Variants in RTN1 observed in about 807,000 individuals in gnomAD.
The protein encoded by RTN1 is reticulon-1.
Under a neutral mutation model 65.5 loss-of-function variants are expected in RTN1, and 25 were observed. The observed-to-expected ratio is 0.38, with a 90% CI of 0.28 to 0.53. The LOEUF is 0.53. Among genes scored for constraint, RTN1 ranks in the 20% least tolerant of loss-of-function variants. The pLI is 0.79. For missense variants in RTN1, 983 were observed against 1,025.4 expected (o/e 0.96, Z 0.57); for synonymous variants, 471 against 447.6 (o/e 1.05, Z -0.66).
rs1398997061 is a variant in RTN1 at position 59,613,107 on chromosome 14, A to C, written c.1766-5615T>G. Among the ~76,000 whole-genome samples the C allele has an allele frequency of 2.0e-5, 3 of 152,178 alleles. No homozygotes were observed. The East Asian group carries it at 5.8e-4, about 29-fold the overall frequency. On this transcript the variant is annotated intron_variant, in intron 3 of 8. Transcript: ENST00000267484. ...ACCTTGCGGAAATTCTAAATCTTATAAAAAAAGAAACTGTTTACCATGCCT... is the reference window on the plus strand; with the variant it reads ...ACCTTGCGGAAATTCTAAATCTTATCAAAAAAGAAACTGTTTACCATGCCT...
chr14:59,770,252 C>T (rs1885927833), intron 1 of RTN1, among the ~76,000 whole-genome samples: 1 of 151,724 alleles, frequency 6.6e-6, no homozygotes, highest in African/African-American at 2.4e-5. Context: ...GTGCTGCACG[C>T]CTGTAATCCC....
chr14:59,748,342 C>A (rs1446669685), intron 1 of RTN1, among the ~76,000 whole-genome samples: 1 of 151,886 alleles, frequency 6.6e-6, no homozygotes, highest in Non-Finnish European at 1.5e-5. Flanking sequence ...AAGCACAAAG[C>A]CTCTTCCCTG....
At chr14:59,630,901 C>G in intron 3 of RTN1, 2 of 954,000 alleles carry the variant, frequency 2.1e-6, no homozygotes, top group Non-Finnish European at 2.5e-6. Context: ...AGGAGGAGGA[C>G]TTGGGCTGTT....
chr14:59,606,872 A>G (rs1881773625), intron 4 of RTN1, among the ~76,000 whole-genome samples: 1 of 151,564 alleles, frequency 6.6e-6, no homozygotes, highest in South Asian at 2.1e-4. Flanking sequence ...ATGGAAATAA[A>G]GACCCAAATA....
chr14:59,694,078 T>C (rs1594682270), intron 3 of RTN1, among the ~76,000 whole-genome samples: 1 of 152,210 alleles, frequency 6.6e-6, no homozygotes, highest in African/African-American at 2.4e-5. Context: ...GGTTCTGAAA[T>C]CTTACTTTAA....
intron 1 of RTN1, among the ~76,000 whole-genome samples, chr14:59,777,911 G>T (rs1345375239): frequency 1.3e-5 from 2 of 151,802 alleles, no homozygotes; most frequent in African/African-American, 4.8e-5. Context: ...TGCCAAGTCA[G>T]GGTGGCATGA....
intron 3 of RTN1, 62 bp from the exon 4 acceptor site, chr14:59,607,554 G>A (rs1881802033): frequency 7.1e-7 from 1 of 1,403,142 alleles, no homozygotes; most frequent in African/African-American, 1.4e-5. Flanking sequence ...GAGCCGCTGT[G>A]GCTCACTCCA....
At chr14:59,795,553 T>C (rs183978375) in intron 1 of RTN1, among the ~76,000 whole-genome samples, 103 of 152,170 alleles carry the variant, frequency 6.8e-4, no homozygotes, top group African/African-American at 2.1e-3. Context: ...AAAGTAAAAA[T>C]TAAAAATTAA....
At chr14:59,756,276 G>A (rs755525007) in intron 1 of RTN1, among the ~76,000 whole-genome samples, 5 of 152,252 alleles carry the variant, frequency 3.3e-5, no homozygotes, top group Non-Finnish European at 5.9e-5. Context: ...GGTCTTCTTT[G>A]AGAAACAATC....
At chr14:59,606,764 G>C (rs726041) in intron 4 of RTN1, among the ~76,000 whole-genome samples, 69,793 of 152,058 alleles carry the variant, frequency 0.46, 18,201 homozygotes, top group East Asian at 0.84. Flanking sequence ...GGTTTCCCCA[G>C]TATAAAAATG....
At chr14:59,669,654 C>A (rs1883459448) in intron 3 of RTN1, among the ~76,000 whole-genome samples, 1 of 151,986 alleles carries the variant, frequency 6.6e-6, no homozygotes, top group Admixed American at 6.6e-5. Flanking sequence ...ATCTTATGAT[C>A]ATGAGGAGAT....
intron 1 of RTN1, among the ~76,000 whole-genome samples, chr14:59,753,008 A>G (rs1885564151): frequency 6.6e-6 from 1 of 152,158 alleles, no homozygotes; most frequent in Non-Finnish European, 1.5e-5. Flanking sequence ...ACAACTGCAG[A>G]ATTCCCTTCC....
chr14:59,687,027 G>T (rs1883860380), intron 3 of RTN1, among the ~76,000 whole-genome samples: 1 of 152,184 alleles, frequency 6.6e-6, no homozygotes, highest in African/African-American at 2.4e-5. Flanking sequence ...TCAGCAGGAG[G>T]TGCTGGAATT....
At chr14:59,843,528 GT>G in intron 1 of RTN1, among the ~76,000 whole-genome samples, 1 of 152,188 alleles carries the variant, frequency 6.6e-6, no homozygotes, top group African/African-American at 2.4e-5. Context: ...GGTGGATGAT[GT>G]TTAATACATT....
In RTN1 at chr14:59,870,482, C is replaced by G; in HGVS notation, c.149G>C (p.Gly50Ala). 6.8e-7 allele frequency: 1 copy of G among 1,469,984 alleles called. No homozygotes were observed. The highest frequency in any genetic ancestry group is 8.9e-7 in the Non-Finnish European group (1 of 1,118,250). The allele number at this position is 1,469,984 out of a possible 1,614,324, so 91.1% of individuals were successfully genotyped here. Residue 50 changes from glycine (G) to alanine (A), a missense_variant, in exon 1 of 9, where the codon GGG becomes GCG. Coordinates refer to ENST00000267484, the MANE Select transcript of RTN1 (RefSeq NM_021136.3). This position sits in a 1 kb window ranked among gnomAD's most constrained non-coding sequence, Gnocchi z 5.1. ...PAPQAGEPSPGLGARAREAAS... is the reference protein window; with the variant it reads ...PAPQAGEPSPALGARAREAAS... The stretch of plus-strand genomic sequence containing the variant: ...CGCTTCCCGGGCCCTGGCGCCCAAC[C>G]CCGGGCTGGGCTCCCCAGCCTGCGG...
At chr14:59,684,614 T>C (rs1482587788) in intron 3 of RTN1, among the ~76,000 whole-genome samples, 1 of 152,068 alleles carries the variant, frequency 6.6e-6, no homozygotes, top group Non-Finnish European at 1.5e-5. Context: ...GCTTTATAGG[T>C]CATATTCAGC....
At chr14:59,832,757 G>A (rs561173984) in intron 1 of RTN1, among the ~76,000 whole-genome samples, 1 of 152,314 alleles carries the variant, frequency 6.6e-6, no homozygotes, top group African/African-American at 2.4e-5. Flanking sequence ...ATGCTATGGT[G>A]TCATTACTCT....
rs762942786 is a variant in RTN1, at chr14:59,737,009, A to G, written c.1015+8699T>C. 3.9e-5 allele frequency among the ~76,000 whole-genome samples: 6 copies of G among 152,222 alleles called. 1 individual carries two copies. Among genetic ancestry groups the G allele is most frequent in the Non-Finnish European group, 7.4e-5 (5 of 68,020 alleles). The stretch of plus-strand genomic sequence containing the variant: ...TCAATAAACTGGGTTTTGAAGGAAC[A>G]TACCTCAAAATAATATGAGCCATAT... On this transcript the variant is annotated intron_variant, in intron 2 of 8. Transcript: ENST00000267484.
intron 3 of RTN1, among the ~76,000 whole-genome samples, chr14:59,665,789 A>G (rs1487435170): frequency 1.3e-5 from 2 of 152,180 alleles, no homozygotes; most frequent in Non-Finnish European, 2.9e-5. Flanking sequence ...AGGGGTTGCA[A>G]TCCTAGTCTC....
Sources: gnomAD v4.1 joint callset for allele counts (sites outside exome capture counted in the v4.1 genomes callset) on GRCh38, gnomAD v4.1.1 for gene constraint, Gnocchi (gnomAD v3.1) non-coding constraint, MANE v1.5 for transcripts, NCBI Gene and HGNC (gene_info 2026-07-23, HGNC 2026-07-21) for gene names.